CFTR: variants seen among roughly 807,000 people sequenced by gnomAD.
The protein encoded by CFTR is cystic fibrosis transmembrane conductance regulator.
CFTR carries 181 observed loss-of-function variants against 171.6 expected under a neutral mutation model. That is an observed-to-expected ratio of 1.05 (90% CI 0.93 to 1.19). CFTR has a LOEUF of 1.19. CFTR is among the 50% of genes most tolerant of loss of function. The pLI is 0.00. For missense variants in CFTR, 1,968 were observed against 1,734.7 expected, an observed-to-expected ratio of 1.13 and a Z score of -2.39; for synonymous variants, 583 against 608.0, an observed-to-expected ratio of 0.96 and a Z score of 0.60.
At chr7:117,546,930 G>T (rs546988438) in intron 9 of CFTR, among the ~76,000 whole-genome samples, 2 of 152,286 alleles carry the variant, frequency 1.3e-5, no homozygotes, top group South Asian at 2.1e-4. Flanking sequence ...TGAGTTGGTT[G>T]TTCTCTTGAA....
chr7:117,662,917 G>A (rs1265549342), intron 24 of CFTR, among the ~76,000 whole-genome samples: 1 of 152,122 alleles, frequency 6.6e-6, no homozygotes. Flanking sequence ...AAATGACAAA[G>A]ACTAATATTC....
intron 19 of CFTR, 50 bp from the exon 20 acceptor site, chr7:117,611,531 C>A: frequency 9.5e-7 from 1 of 1,052,690 alleles, no homozygotes; most frequent in Non-Finnish European, 1.5e-6. Flanking sequence ...TATGAAATTA[C>A]ATTTTGTGTT....
intron 4 of CFTR, among the ~76,000 whole-genome samples, chr7:117,532,747 G>A (rs1034521390): frequency 6.6e-6 from 1 of 152,138 alleles, no homozygotes; most frequent in Non-Finnish European, 1.5e-5. Context: ...CTTTCTCAAT[G>A]TTGCATATCT....
At chr7:117,568,978 T>C (rs2115967419) in intron 11 of CFTR, among the ~76,000 whole-genome samples, 1 of 152,270 alleles carries the variant, frequency 6.6e-6, no homozygotes, top group Non-Finnish European at 1.5e-5. Flanking sequence ...GGCAGGTTGG[T>C]AGGGTGAAAA....
At chr7:117,536,386 C>G (rs1343767251) in intron 6 of CFTR, among the ~76,000 whole-genome samples, 162 bp from the exon 7 acceptor site, 1 of 152,118 alleles carries the variant, frequency 6.6e-6, no homozygotes, top group Non-Finnish European at 1.5e-5. Context: ...AGGCATTTAC[C>G]AAACAGTAGT....
intron 1 of CFTR, among the ~76,000 whole-genome samples, chr7:117,499,083 T>C (rs1798281444): frequency 6.6e-6 from 1 of 152,326 alleles, no homozygotes; most frequent in African/African-American, 2.4e-5. Context: ...TTGCATTTTA[T>C]TTTATTTGCC....
intron 4 of CFTR, among the ~76,000 whole-genome samples, chr7:117,532,112 T>TA (rs1285170187): frequency 1.3e-5 from 2 of 151,736 alleles, no homozygotes; most frequent in African/African-American, 4.8e-5. Context: ...AGTCCACAGT[T>TA]ATCACCTCAG....
intron 11 of CFTR, among the ~76,000 whole-genome samples, chr7:117,572,475 A>G (rs1791707495): frequency 6.6e-6 from 1 of 152,226 alleles, no homozygotes; most frequent in East Asian, 1.9e-4. Flanking sequence ...ATTATTTAGT[A>G]TCTATTTTCT....
At chr7:117,545,660 A>G (rs1799127982) in intron 9 of CFTR, among the ~76,000 whole-genome samples, 1 of 152,132 alleles carries the variant, frequency 6.6e-6, no homozygotes, top group African/African-American at 2.4e-5. Context: ...TAACATTCCT[A>G]TTAACATATT....
At chr7:117,614,089 A>C (rs1373307804) in intron 20 of CFTR, among the ~76,000 whole-genome samples, 1 of 148,650 alleles carries the variant, frequency 6.7e-6, no homozygotes, top group Non-Finnish European at 1.5e-5. Flanking sequence ...TGTCCGGTGA[A>C]ATTCTAAGTC....
intron 3 of CFTR, among the ~76,000 whole-genome samples, chr7:117,523,525 C>A (rs933071471): frequency 2.6e-5 from 4 of 151,914 alleles, no homozygotes; most frequent in Non-Finnish European, 5.9e-5. Flanking sequence ...TACAGGCGCC[C>A]GCCTCCACGC....
chr7:117,508,920 C>G (rs897944276), intron 2 of CFTR, 114 bp from the exon 3 acceptor site: 3 of 758,788 alleles, frequency 4.0e-6, no homozygotes, highest in Non-Finnish European at 4.7e-6. Flanking sequence ...CTCTATAATA[C>G]TTGGGTTAAT....
chr7:117,520,016 T>C (rs1281436994), intron 3 of CFTR, among the ~76,000 whole-genome samples: 1 of 151,962 alleles, frequency 6.6e-6, no homozygotes, highest in East Asian at 1.9e-4. Context: ...ACAATAGATA[T>C]TTAAATAAAG....
chr7:117,622,413 G>A (rs948539389), intron 21 of CFTR, among the ~76,000 whole-genome samples: 1 of 152,070 alleles, frequency 6.6e-6, no homozygotes, highest in Admixed American at 6.6e-5. Flanking sequence ...CATAGTTTTT[G>A]CCTACTGGGA....
chr7:117,630,208 G>A (rs1007528406), intron 22 of CFTR, among the ~76,000 whole-genome samples: 2 of 152,120 alleles, frequency 1.3e-5, no homozygotes, highest in Admixed American at 6.6e-5. Flanking sequence ...CTTGAAAAGA[G>A]CCCTCCCTCC....
chr7:117,529,942 G>T (rs377483266), intron 3 of CFTR, among the ~76,000 whole-genome samples: 1 of 152,106 alleles, frequency 6.6e-6, no homozygotes, highest in East Asian at 1.9e-4. Flanking sequence ...AAAACAAAAT[G>T]AGGAATTATG....
intron 22 of CFTR, among the ~76,000 whole-genome samples, chr7:117,630,019 A>G (rs1792717149): frequency 6.6e-6 from 1 of 152,232 alleles, no homozygotes; most frequent in African/African-American, 2.4e-5. Context: ...GCAGGGGAAG[A>G]GAGAAAGTTT....
At chr7:117,591,511 A>G (rs1792022839) in intron 13 of CFTR, among the ~76,000 whole-genome samples, 3 of 152,224 alleles carry the variant, frequency 2.0e-5, no homozygotes, top group Admixed American at 2.0e-4. Flanking sequence ...CTAAAATGTA[A>G]AAAAGAAATT....
chr7:117,501,280 A>C (rs1207732031), intron 1 of CFTR, among the ~76,000 whole-genome samples: 1 of 152,074 alleles, frequency 6.6e-6, no homozygotes, highest in Non-Finnish European at 1.5e-5. Flanking sequence ...CCTCATTCTA[A>C]GCCTTTCAAA....
Sources: gnomAD v4.1 joint callset for allele counts (sites outside exome capture counted in the v4.1 genomes callset) on GRCh38, gnomAD v4.1.1 for gene constraint, MANE v1.5 for transcripts, NCBI Gene and HGNC (gene_info 2026-07-23, HGNC 2026-07-21) for gene names.